CPQ: variants seen among roughly 807,000 people sequenced by gnomAD.
CPQ encodes the protein carboxypeptidase Q, also known as Ser-Met dipeptidase.
Under a neutral mutation model 45.7 loss-of-function variants are expected in CPQ, and 37 were observed. The ratio of observed to expected loss-of-function variants is 0.81; its 90% CI spans 0.62 to 1.07. CPQ has a LOEUF of 1.07. CPQ is among the 50% of genes least tolerant of loss of function. The probability of loss-of-function intolerance (pLI) is 0.00; values close to 1 mark genes in which losing one functional copy is unlikely to be tolerated. For missense variants in CPQ, 537 were observed against 572.9 expected (o/e 0.94, Z 0.64); for synonymous variants, 186 against 205.8 (o/e 0.90, Z 0.82).
At chr8:97,103,781 G>A (rs990871250) in intron 7 of CPQ, among the ~76,000 whole-genome samples, 7 of 152,178 alleles carry the variant, frequency 4.6e-5, no homozygotes, top group Non-Finnish European at 1.0e-4. Context: ...GGGCCACTGG[G>A]TGACCTGTGG....
intron 2 of CPQ, among the ~76,000 whole-genome samples, chr8:96,792,189 G>A (rs1012176250): frequency 6.6e-6 from 1 of 152,154 alleles, no homozygotes; most frequent in Non-Finnish European, 1.5e-5. Context: ...ATACAAGCAG[G>A]CCAAGTCCGA....
intron 5 of CPQ, among the ~76,000 whole-genome samples, chr8:96,990,078 C>A (rs368694556): frequency 9.2e-5 from 14 of 152,236 alleles, no homozygotes; most frequent in African/African-American, 3.4e-4. Flanking sequence ...CACCTCTGAA[C>A]CTTTGCTGAT....
At chr8:97,040,468 G>A (rs1365556469) in intron 6 of CPQ, among the ~76,000 whole-genome samples, 1 of 151,972 alleles carries the variant, frequency 6.6e-6, no homozygotes, top group Admixed American at 6.6e-5. Context: ...CTTTTGCTGT[G>A]CAGAAGCTCT....
At chr8:97,063,508 C>T (rs1485059486) in intron 6 of CPQ, among the ~76,000 whole-genome samples, 4 of 152,212 alleles carry the variant, frequency 2.6e-5, no homozygotes, top group East Asian at 3.9e-4. Flanking sequence ...GCTTTTGTTG[C>T]GATTGCTTTT....
At chr8:97,039,598 G>A (rs966499848) in intron 6 of CPQ, among the ~76,000 whole-genome samples, 3 of 151,384 alleles carry the variant, frequency 2.0e-5, no homozygotes, top group Non-Finnish European at 2.9e-5. Context: ...TCGTCATTTA[G>A]CATTAGGTAT....
chr8:96,967,171 G>T (rs1813580664), intron 5 of CPQ, among the ~76,000 whole-genome samples: 1 of 152,082 alleles, frequency 6.6e-6, no homozygotes, highest in Non-Finnish European at 1.5e-5. Flanking sequence ...GGGTTCTAGA[G>T]GAAAGCAGGA....
At chr8:96,891,378 G>A (rs4289785) in intron 4 of CPQ, among the ~76,000 whole-genome samples, 59,511 of 152,048 alleles carry the variant, frequency 0.39, 12,187 homozygotes, top group Non-Finnish European at 0.46. Context: ...GTGCCATATC[G>A]AGGGCTCAGT....
chr8:96,866,970 A>G (rs1812004149), intron 3 of CPQ, among the ~76,000 whole-genome samples: 1 of 152,232 alleles, frequency 6.6e-6, no homozygotes, highest in African/African-American at 2.4e-5. Context: ...GCCTACTTCA[A>G]AGTACCAGAT....
intron 5 of CPQ, among the ~76,000 whole-genome samples, chr8:96,989,397 G>A (rs996312303): frequency 2.1e-5 from 3 of 140,244 alleles, no homozygotes; most frequent in Non-Finnish European, 3.1e-5. Context: ...AGAATGAAAG[G>A]AAGGAGAGGG....
chr8:96,969,759 G>A (rs1813630942), intron 5 of CPQ, among the ~76,000 whole-genome samples: 1 of 152,110 alleles, frequency 6.6e-6, no homozygotes, highest in Non-Finnish European at 1.5e-5. Flanking sequence ...TATAATGTTA[G>A]ATTTTTGTGT....
At chr8:96,761,861 A>G (rs1476549296) in intron 1 of CPQ, among the ~76,000 whole-genome samples, 4 of 152,172 alleles carry the variant, frequency 2.6e-5, no homozygotes, top group Admixed American at 2.6e-4. Flanking sequence ...TCTCTTTACT[A>G]TTTGTGTGAC....
chr8:96,742,726 A>C (rs952093175), intron 1 of CPQ, among the ~76,000 whole-genome samples: 137 of 151,726 alleles, frequency 9.0e-4, no homozygotes, highest in South Asian at 8.2e-3. Context: ...ATTTCTCCTT[A>C]ACTTATGAAG....
intron 5 of CPQ, among the ~76,000 whole-genome samples, chr8:97,013,431 CA>C (rs1229873020): frequency 6.6e-6 from 1 of 152,110 alleles, no homozygotes; most frequent in Non-Finnish European, 1.5e-5. Context: ...CATACATTAA[CA>C]AATACGTATA....
intron 1 of CPQ, among the ~76,000 whole-genome samples, chr8:96,663,858 G>C (rs1808886294): frequency 6.6e-6 from 1 of 152,006 alleles, no homozygotes. Context: ...ACATGCTGTA[G>C]AAACATAAAG....
intron 6 of CPQ, among the ~76,000 whole-genome samples, chr8:97,032,778 G>A (rs1026809812): frequency 5.3e-5 from 8 of 152,118 alleles, no homozygotes; most frequent in Non-Finnish European, 1.2e-4. Context: ...TTGACCAGAA[G>A]GACCTTACAT....
chr8:96,862,461 A>G (rs189930870), intron 3 of CPQ, among the ~76,000 whole-genome samples: 2 of 152,128 alleles, frequency 1.3e-5, no homozygotes, highest in African/African-American at 4.8e-5. Flanking sequence ...GTTAGATAAA[A>G]TAAAAAAAAT....
Position 96,645,258 on chromosome 8 carries a change from C to CT in CPQ, c.-178dup, listed in dbSNP as rs1319810635. 3 of 152,458 alleles carry CT rather than the reference C, an allele frequency of 2.0e-5. No individual in the cohort carries two copies. Among genetic ancestry groups the CT allele is most frequent in the Middle Eastern group, 3.4e-3 (1 of 294 alleles). 9.4% of individuals were successfully genotyped at this position (152,458 alleles called of 1,614,324 possible). On this transcript the variant is annotated 5_prime_UTR_variant, in exon 1 of 8. Transcript: ENST00000220763. The stretch of plus-strand genomic sequence containing the variant: ...TTGCCCCGCCTCTCGGCCCCGCGGC[C>CT]TGGCCGGCAAGCAGGGCTGCAGTCA...
At chr8:96,732,418 T>C (rs1444672941) in intron 1 of CPQ, 1 of 152,212 alleles carries the variant, frequency 6.6e-6, no homozygotes, top group Non-Finnish European at 1.5e-5. Flanking sequence ...CCAATTAAGA[T>C]GTTTGGTGGG....
intron 7 of CPQ, among the ~76,000 whole-genome samples, chr8:97,141,721 T>TA (rs1812168553): frequency 6.6e-6 from 1 of 152,154 alleles, no homozygotes; most frequent in South Asian, 2.1e-4. Flanking sequence ...GGAAACCACC[T>TA]AAATGACCAT....
Sources: allele counts gnomAD v4.1 joint callset (sites outside exome capture counted in the v4.1 genomes callset), GRCh38; gene constraint gnomAD v4.1.1; transcripts MANE v1.5; gene names NCBI Gene and HGNC (gene_info 2026-07-23, HGNC 2026-07-21).